The following PHF24 variants were observed in gnomAD, a reference collection of about 807,000 sequenced individuals.
PHF24 encodes the protein Galpha inhibitory interacting protein.
A neutral mutation model predicts 42.6 loss-of-function variants in PHF24; 25 were observed. The ratio of observed to expected loss-of-function variants is 0.59; its 90% CI spans 0.43 to 0.82. The LOEUF is 0.82. PHF24 is among the 40% of genes least tolerant of loss of function. The pLI is 0.00. For missense variants in PHF24, 470 were observed against 538.1 expected, an observed-to-expected ratio of 0.87 and a Z score of 1.25; for synonymous variants, 185 against 204.8, an observed-to-expected ratio of 0.90 and a Z score of 0.83.
the PHF24 span, among the ~76,000 whole-genome samples, chr9:34,712,586 T>C: frequency 1.3e-5 from 2 of 152,158 alleles, no homozygotes; most frequent in African/African-American, 4.8e-5. Flanking sequence ...TATTTTTGCT[T>C]CCAGAATTTC....
At chr9:34,969,582 A>T (rs1826899509) in intron 1 of PHF24, among the ~76,000 whole-genome samples, 1 of 151,582 alleles carries the variant, frequency 6.6e-6, no homozygotes, top group South Asian at 2.1e-4. Context: ...CAGAGGTTGC[A>T]GTGAGCCAAG....
the PHF24 span, chr9:34,832,525 G>A: frequency 6.6e-7 from 1 of 1,523,106 alleles, no homozygotes; most frequent in Admixed American, 2.1e-5. Context: ...CTCCCCACAG[G>A]GCTCTTGGCT....
the PHF24 span, among the ~76,000 whole-genome samples, chr9:34,739,174 A>G: frequency 2.0e-5 from 3 of 152,256 alleles, no homozygotes; most frequent in Non-Finnish European, 4.4e-5. Context: ...GAAACTGATC[A>G]ACTTTATTCA....
At chr9:34,868,380 C>T in the PHF24 span, among the ~76,000 whole-genome samples, 113,657 of 152,170 alleles carry the variant, frequency 0.75, 42,725 homozygotes, top group East Asian at 0.87. Context: ...TATCTCGATT[C>T]GTTTTCCTCT....
chr9:34,721,496 C>T, the PHF24 span, among the ~76,000 whole-genome samples: 2 of 152,008 alleles, frequency 1.3e-5, no homozygotes, highest in African/African-American at 4.8e-5. Context: ...CTCACTGCAA[C>T]CTCCACCTCC....
the PHF24 span, among the ~76,000 whole-genome samples, chr9:34,913,695 GAA>G: frequency 6.6e-6 from 1 of 152,122 alleles, no homozygotes; most frequent in Admixed American, 6.5e-5. Flanking sequence ...TTTTGCGGTA[GAA>G]AAGACTCCTC....
the PHF24 span, among the ~76,000 whole-genome samples, chr9:34,676,078 G>A: frequency 6.6e-6 from 1 of 152,156 alleles, no homozygotes; most frequent in Non-Finnish European, 1.5e-5. Flanking sequence ...AGTTATTTCT[G>A]GTCATATATA....
chr9:34,684,342 G>C, the PHF24 span, among the ~76,000 whole-genome samples: 4 of 152,316 alleles, frequency 2.6e-5, no homozygotes, highest in African/African-American at 9.6e-5. Flanking sequence ...GCAGCGCTGA[G>C]ACTACTGGGG....
the PHF24 span, among the ~76,000 whole-genome samples, chr9:34,766,732 G>A: frequency 3.3e-5 from 5 of 152,178 alleles, no homozygotes; most frequent in East Asian, 3.8e-4. Flanking sequence ...GCTTTGTTCC[G>A]TTGCTGGTGA....
At chr9:34,715,471 C>T in the PHF24 span, among the ~76,000 whole-genome samples, 1 of 152,140 alleles carries the variant, frequency 6.6e-6, no homozygotes, top group Non-Finnish European at 1.5e-5. Flanking sequence ...CCTCTCAGTC[C>T]TCAGACCAGG....
the PHF24 span, among the ~76,000 whole-genome samples, chr9:34,716,690 A>G: frequency 6.6e-6 from 1 of 152,124 alleles, no homozygotes; most frequent in African/African-American, 2.4e-5. Flanking sequence ...CCCAGACTCA[A>G]GCTATTCTCC....
chr9:34,876,122 C>T, the PHF24 span, among the ~76,000 whole-genome samples: 1 of 151,980 alleles, frequency 6.6e-6, no homozygotes, highest in Non-Finnish European at 1.5e-5. Flanking sequence ...AATACACTTA[C>T]CATATGACCT....
chr9:34,917,610 A>C, the PHF24 span: 4 of 775,884 alleles, frequency 5.2e-6, 1 homozygote, highest in Non-Finnish European at 9.6e-6. Flanking sequence ...ACAAATGGCC[A>C]CCCCTTTGGT....
At chr9:34,765,330 C>T in the PHF24 span, among the ~76,000 whole-genome samples, 2 of 146,638 alleles carry the variant, frequency 1.4e-5, no homozygotes, top group South Asian at 2.3e-4. Context: ...ATTGTGTGGG[C>T]GTCTAAGTCT....
the PHF24 span, among the ~76,000 whole-genome samples, chr9:34,909,624 C>T: frequency 0.085 from 12,316 of 144,260 alleles, 836 homozygotes; most frequent in African/African-American, 0.19. Context: ...AGAAGAAATC[C>T]TTTTTTTTTT....
At chr9:34,689,868 G>T in the PHF24 span, 1 of 1,614,180 alleles carries the variant, frequency 6.2e-7, no homozygotes, top group African/African-American at 1.3e-5. This position sits in a 1 kb window ranked among gnomAD's most constrained non-coding sequence, Gnocchi z 4.1. Context: ...GAAGGATCAT[G>T]GGCTGGAATC....
chr9:34,716,117 C>G, the PHF24 span, among the ~76,000 whole-genome samples: 1 of 152,100 alleles, frequency 6.6e-6, no homozygotes, highest in Non-Finnish European at 1.5e-5. Context: ...AGCATTGAGC[C>G]CTCTAGAAAT....
the PHF24 span, among the ~76,000 whole-genome samples, chr9:34,754,591 T>C: frequency 1.3e-5 from 2 of 152,154 alleles, no homozygotes; most frequent in East Asian, 3.8e-4. Flanking sequence ...AAAGGAACCC[T>C]TGTACACTGT....
rs149853614 is a variant in PHF24 at position 34,967,611 on chromosome 9, G to A, written c.-4-3684G>A. Among the ~76,000 whole-genome samples the A allele has an allele frequency of 6.7e-3, 1,020 of 152,198 alleles. 13 individuals carry two copies. Among genetic ancestry groups the A allele is most frequent in the African/African-American group, 0.022 (929 of 41,498 alleles). ...CTGTCAGTTTTGTATTTTCTCTCTT[G>A]GGGTACCTCTGTCACTGTAAGTTGG... On this transcript the variant is annotated intron_variant, in intron 1 of 7. Transcript: ENST00000242315.
Sources: gnomAD v4.1 joint callset for allele counts (sites outside exome capture counted in the v4.1 genomes callset) on GRCh38, gnomAD v4.1.1 for gene constraint, Gnocchi (gnomAD v3.1) non-coding constraint, MANE v1.5 for transcripts, NCBI Gene and HGNC (gene_info 2026-07-23, HGNC 2026-07-21) for gene names.